Variants in SLCO2B1 observed in about 807,000 individuals in gnomAD.
The protein encoded by SLCO2B1 is solute carrier organic anion transporter family member 2B1, also known as OATP-RP2.
SLCO2B1 carries 41 observed loss-of-function variants against 67.3 expected under a neutral mutation model. That is an observed-to-expected ratio of 0.61 (90% CI 0.47 to 0.79). The LOEUF (loss-of-function observed/expected upper bound fraction) is 0.79, where lower values mean the gene tolerates loss of function less well. Among genes scored for constraint, SLCO2B1 ranks in the 30% least tolerant of loss-of-function variants. The probability of loss-of-function intolerance (pLI) is 0.00; values close to 1 mark genes in which losing one functional copy is unlikely to be tolerated. For missense variants in SLCO2B1, 837 were observed against 920.1 expected (o/e 0.91, Z 1.17); for synonymous variants, 379 against 381.4 (o/e 0.99, Z 0.07).
At chr11:75,158,875 G>A (rs936860907) in intron 1 of SLCO2B1, among the ~76,000 whole-genome samples, 3 of 152,158 alleles carry the variant, frequency 2.0e-5, no homozygotes, top group Non-Finnish European at 2.9e-5. Flanking sequence ...GCAGAATCCT[G>A]GGCCTTTCCC....
In SLCO2B1 at chr11:75,169,224, C is replaced by A. The variant is rs749237533; in HGVS notation, c.500C>A (p.Ala167Asp). 6.2e-7 allele frequency: 1 copy of A among 1,614,176 alleles called. No individual in the cohort carries two copies. Among genetic ancestry groups the A allele is most frequent in the South Asian group, 1.1e-5 (1 of 91,084 alleles). ...TCCCTGTGCCTGCCCACAACCTCGG[C>A]CCCAGCCTCGGCCCCCTCCAATGGC... is the stretch of plus-strand genomic sequence containing the variant. Reference protein sequence around the residue: ...KASLCLPTTSAPASAPSNGNC... With the variant: ...KASLCLPTTSDPASAPSNGNC... The change falls in exon 5 of 14, where the codon GCC becomes GAC. Residue 167 changes from alanine (A) to aspartate (D), a missense_variant. By Grantham distance (126) the Ala-to-Asp change is moderately radical (BLOSUM62 -2). Coordinates refer to ENST00000289575, the MANE Select transcript of SLCO2B1 (RefSeq NM_007256.5).
intron 1 of SLCO2B1, among the ~76,000 whole-genome samples, chr11:75,162,199 C>T (rs1465530110): frequency 6.6e-6 from 1 of 152,148 alleles, no homozygotes; most frequent in Admixed American, 6.5e-5. Context: ...CCTGCACCTG[C>T]CCCAGATCTC....
At chr11:75,167,741 A>G (rs1949909719) in intron 4 of SLCO2B1, among the ~76,000 whole-genome samples, 1 of 152,184 alleles carries the variant, frequency 6.6e-6, no homozygotes, top group African/African-American at 2.4e-5. Context: ...GGCAGGGATT[A>G]TCATTACTTC....
intron 3 of SLCO2B1, among the ~76,000 whole-genome samples, chr11:75,164,499 T>A (rs566349770): frequency 6.6e-6 from 1 of 152,034 alleles, no homozygotes; most frequent in Non-Finnish European, 1.5e-5. Flanking sequence ...CTTGGGATGG[T>A]CGCGGGAGGG....
At chr11:75,154,163 A>T (rs1225716826) in intron 1 of SLCO2B1, among the ~76,000 whole-genome samples, 1 of 149,210 alleles carries the variant, frequency 6.7e-6, no homozygotes, top group Non-Finnish European at 1.5e-5. Flanking sequence ...TGACCTCGTG[A>T]TCCATCTGCC....
chr11:75,189,938 G>T, intron 8 of SLCO2B1, among the ~76,000 whole-genome samples: 1 of 150,758 alleles, frequency 6.6e-6, no homozygotes, highest in East Asian at 1.9e-4. Context: ...CTCCAGCCTG[G>T]GTGACTGAGA....
At chr11:75,188,463 T>C (rs1944969942) in intron 8 of SLCO2B1, among the ~76,000 whole-genome samples, 2 of 152,320 alleles carry the variant, frequency 1.3e-5, no homozygotes, top group South Asian at 4.1e-4. Context: ...TTGCGGCTCA[T>C]GCCTGTAATC....
intron 8 of SLCO2B1, among the ~76,000 whole-genome samples, chr11:75,192,179 C>G (rs1945031823): frequency 6.6e-6 from 1 of 152,200 alleles, no homozygotes; most frequent in South Asian, 2.1e-4. Flanking sequence ...TCAGATTTCA[C>G]TTTCTCTGGA....
intron 12 of SLCO2B1, 58 bp downstream of exon 12, chr11:75,203,023 T>C: frequency 9.0e-6 from 13 of 1,451,706 alleles, no homozygotes; most frequent in Non-Finnish European, 1.2e-5. Flanking sequence ...GCCCACTGTG[T>C]GCCAGGCCTG....
At position 75,203,333 on chromosome 11, in the gene SLCO2B1, G is replaced by A. The variant is rs1219263860; in HGVS notation, c.1855G>A (p.Gly619Ser). 42 of 1,613,868 alleles carry A rather than the reference G, an allele frequency of 2.6e-5. No homozygotes were observed. The highest frequency in any genetic ancestry group is 6.7e-5 in the East Asian group (3 of 44,872). ...LAWMPSPVIH[G>S]SAIDTTCVHW... is the part of the protein sequence containing the mutation. ...CTGGATGCCCAGCCCCGTGATCCAC[G>A]GCAGCGCCATCGACACCACCTGTGT... Residue 619 changes from glycine (G) to serine (S), a missense_variant, in exon 13 of 14, where the codon GGC (glycine) becomes AGC (serine). Physicochemically the swap from Gly to Ser is moderately conservative, Grantham distance 56 (BLOSUM62 0). Coordinates refer to ENST00000289575, the MANE Select transcript of SLCO2B1 (RefSeq NM_007256.5).
At chr11:75,175,921 TG>T (rs2140319835) in intron 7 of SLCO2B1, among the ~76,000 whole-genome samples, 1 of 152,028 alleles carries the variant, frequency 6.6e-6, no homozygotes, top group South Asian at 2.1e-4. Flanking sequence ...GACATGGGAT[TG>T]GGGGAGGCCA....
At chr11:75,191,455 G>C (rs1019117398) in intron 8 of SLCO2B1, among the ~76,000 whole-genome samples, 2 of 152,176 alleles carry the variant, frequency 1.3e-5, no homozygotes, top group African/African-American at 4.8e-5. Flanking sequence ...AGGAACCAGG[G>C]ACAGGAGGCA....
At chr11:75,185,180 T>C (rs535615747) in intron 7 of SLCO2B1, among the ~76,000 whole-genome samples, 1 of 152,236 alleles carries the variant, frequency 6.6e-6, no homozygotes, top group East Asian at 1.9e-4. Flanking sequence ...GTGGCTGACA[T>C]GAAGGTTCTG....
chr11:75,156,820 A>G (rs954199981), intron 1 of SLCO2B1, among the ~76,000 whole-genome samples: 3 of 152,208 alleles, frequency 2.0e-5, no homozygotes, highest in Non-Finnish European at 4.4e-5. Flanking sequence ...TTTAGACCAT[A>G]TAGGGTAACT....
chr11:75,200,388 G>A lies in SLCO2B1; in HGVS notation c.1763+1G>A. The A allele has an allele frequency of 6.3e-7, 1 of 1,590,432 alleles. No homozygotes were observed. Among genetic ancestry groups the A allele is most frequent in the Non-Finnish European group, 8.6e-7 (1 of 1,164,630 alleles). On this transcript the variant is annotated splice_donor_variant, in intron 11 of 13. Coordinates refer to ENST00000289575, the MANE Select transcript of SLCO2B1 (RefSeq NM_007256.5). LOFTEE classifies it high-confidence loss of function. ...CACCCTCCTTCATGCTCATCCTAAG[G>A]TGAAGGTGGGGGTGGGGCAGGGGCA...
intron 1 of SLCO2B1, among the ~76,000 whole-genome samples, chr11:75,160,660 G>T (rs1407895516): frequency 6.6e-6 from 1 of 152,196 alleles, no homozygotes; most frequent in African/African-American, 2.4e-5. Flanking sequence ...TCCTCGTCAG[G>T]TGTCAGTTTT....
intron 1 of SLCO2B1, among the ~76,000 whole-genome samples, chr11:75,162,026 G>A (rs1949827183): frequency 6.6e-6 from 1 of 152,184 alleles, no homozygotes; most frequent in African/African-American, 2.4e-5. Context: ...AGCTCAGAGG[G>A]CCCTTTCTGC....
At chr11:75,191,296 C>G (rs1045506283) in intron 8 of SLCO2B1, among the ~76,000 whole-genome samples, 35 of 152,184 alleles carry the variant, frequency 2.3e-4, no homozygotes, top group African/African-American at 7.2e-4. Context: ...CAACCTGGAC[C>G]ATGCCAGATT....
chr11:75,189,297 A>G (rs1442751004), intron 8 of SLCO2B1, among the ~76,000 whole-genome samples: 4 of 152,184 alleles, frequency 2.6e-5, no homozygotes, highest in Admixed American at 2.0e-4. Flanking sequence ...TGCCCCTAAC[A>G]GTGACCAGTG....
Sources: allele counts gnomAD v4.1 joint callset (sites outside exome capture counted in the v4.1 genomes callset), GRCh38; gene constraint gnomAD v4.1.1; transcripts MANE v1.5; gene names NCBI Gene and HGNC (gene_info 2026-07-23, HGNC 2026-07-21).